APBB2: variants seen among roughly 807,000 people sequenced by gnomAD.
APBB2 encodes the protein Fe65-like 1.
Under a neutral mutation model 82.5 loss-of-function variants are expected in APBB2, and 38 were observed. The ratio of observed to expected loss-of-function variants is 0.46; its 90% CI spans 0.36 to 0.60. The LOEUF (loss-of-function observed/expected upper bound fraction) is 0.60. APBB2 is among the 20% of genes least tolerant of loss of function. The pLI is 0.00. For synonymous variants in APBB2, 341 were observed against 368.2 expected (o/e 0.93, Z 0.85); for missense variants, 772 against 972.3 (o/e 0.79, Z 2.74).
intron 12 of APBB2, among the ~76,000 whole-genome samples, chr4:40,863,764 AC>A (rs1430810814): frequency 6.6e-6 from 1 of 151,834 alleles, no homozygotes; most frequent in Non-Finnish European, 1.5e-5. Context: ...GTGATGGTGC[AC>A]GCCAGTAATC....
chr4:40,985,013 G>C (rs531825281), intron 6 of APBB2, among the ~76,000 whole-genome samples: 2 of 151,690 alleles, frequency 1.3e-5, no homozygotes, highest in East Asian at 3.9e-4. Flanking sequence ...CCTCAACCTC[G>C]TGGCTCAAGT....
intron 10 of APBB2, among the ~76,000 whole-genome samples, chr4:40,919,371 A>G (rs1560278707): frequency 1.3e-5 from 2 of 152,078 alleles, no homozygotes; most frequent in Non-Finnish European, 2.9e-5. Context: ...AGTTACGTGA[A>G]AACTTTCTCA....
intron 7 of APBB2, among the ~76,000 whole-genome samples, chr4:40,938,886 G>T (rs1195456465): frequency 6.6e-6 from 1 of 152,238 alleles, no homozygotes; most frequent in Non-Finnish European, 1.5e-5. Flanking sequence ...CAATGTTGCA[G>T]TATTCAGAGG....
At chr4:40,834,266 T>C (rs1753077410) in intron 12 of APBB2, among the ~76,000 whole-genome samples, 1 of 152,136 alleles carries the variant, frequency 6.6e-6, no homozygotes, top group Non-Finnish European at 1.5e-5. Flanking sequence ...ACAGGTGTCT[T>C]CTCCTCACTG....
intron 1 of APBB2, among the ~76,000 whole-genome samples, chr4:41,210,814 A>G (rs930251145): frequency 5.3e-5 from 8 of 152,270 alleles, no homozygotes; most frequent in Admixed American, 4.6e-4. Context: ...TTTTCATATA[A>G]GATAAAAGTT....
chr4:41,058,627 T>A (rs895893011), intron 4 of APBB2, among the ~76,000 whole-genome samples: 5 of 152,222 alleles, frequency 3.3e-5, no homozygotes, highest in African/African-American at 1.2e-4. Context: ...TATGCTACAC[T>A]ACAAAAATGT....
At chr4:40,899,255 T>TA (rs1277985433) in intron 10 of APBB2, among the ~76,000 whole-genome samples, 1 of 152,208 alleles carries the variant, frequency 6.6e-6, no homozygotes, top group Non-Finnish European at 1.5e-5. Flanking sequence ...TTATTGTTGT[T>TA]AGTTACTATG....
intron 6 of APBB2, among the ~76,000 whole-genome samples, chr4:40,978,361 T>G (rs1797681471): frequency 6.6e-6 from 1 of 152,248 alleles, no homozygotes; most frequent in Admixed American, 6.5e-5. Context: ...ACAAGATTTG[T>G]ATTTGGTAAC....
At position 41,033,225 on chromosome 4, in the gene APBB2, A is replaced by C. The variant is rs58898722; in HGVS notation, c.19+11T>G. On this transcript the variant is annotated intron_variant, in intron 5 of 17. Transcript: ENST00000508593. ...CTTCTCTGCATTGAAATATGAGAAA[A>C]TGTATCTGACCTGGAAGTACTTCTG... 5.2e-3 allele frequency: 8,044 copies of C among 1,546,752 alleles called. 354 individuals are homozygous for C. In the African/African-American group the frequency reaches 0.097, roughly 19 times the overall value.
chr4:40,898,880 C>G (rs7690259), intron 10 of APBB2, among the ~76,000 whole-genome samples: 30,365 of 149,146 alleles, frequency 0.2, 3,261 homozygotes, highest in African/African-American at 0.28. Context: ...CACACACACA[C>G]AGAACACTGG....
chr4:41,141,308 GTGTGTC>G (rs1759076729), intron 2 of APBB2, among the ~76,000 whole-genome samples: 3 of 32,544 alleles, frequency 9.2e-5, no homozygotes, highest in African/African-American at 2.4e-4. Flanking sequence ...AAAAATATGT[GTGTGTC>G]TGTGTGTGTG....
intron 2 of APBB2, among the ~76,000 whole-genome samples, chr4:41,119,913 C>G (rs187753959): frequency 2.0e-3 from 302 of 152,260 alleles, no homozygotes; most frequent in Non-Finnish European, 2.4e-3. Context: ...TTAACAGATG[C>G]CATTTGATAA....
At chr4:40,892,036 C>T (rs1452013165) in intron 11 of APBB2, among the ~76,000 whole-genome samples, 3 of 151,710 alleles carry the variant, frequency 2.0e-5, no homozygotes, top group Admixed American at 6.6e-5. Flanking sequence ...GCAACCTCTC[C>T]GCCTCCCAGG....
intron 8 of APBB2, 161 bp downstream of exon 8, chr4:40,934,915 CA>C (rs369593828): frequency 9.7e-5 from 68 of 702,058 alleles, no homozygotes; most frequent in African/African-American, 9.0e-4. Context: ...TGGGAGACAC[CA>C]AAAAAAGGCA....
intron 2 of APBB2, chr4:41,118,073 G>A (rs1335223791): frequency 6.6e-6 from 1 of 152,198 alleles, no homozygotes; most frequent in Non-Finnish European, 1.5e-5. Context: ...AATTAGCCAG[G>A]AGCAGTGGGG....
At chr4:40,945,100 G>T in intron 6 of APBB2, 27 bp from the exon 7 acceptor site, 6 of 1,055,412 alleles carry the variant, frequency 5.7e-6, no homozygotes, top group Non-Finnish European at 5.5e-6. Context: ...CGGGGCGGGG[G>T]GAGAAAGAGA....
At chr4:41,176,639 G>T (rs1264952775) in intron 1 of APBB2, among the ~76,000 whole-genome samples, 2 of 152,058 alleles carry the variant, frequency 1.3e-5, no homozygotes, top group Non-Finnish European at 2.9e-5. Flanking sequence ...CCAAAACCAT[G>T]GGTTTAGTTC....
In APBB2 at chr4:40,811,106, C is replaced by T. The variant is rs950958708; in HGVS notation, c.*4986G>A. The T allele has an allele frequency of 2.0e-5, 3 of 152,184 alleles. No homozygotes were observed. Among genetic ancestry groups the T allele is most frequent in the African/African-American group, 7.2e-5 (3 of 41,428 alleles). 9.4% of individuals were successfully genotyped at this position (152,184 alleles called of 1,614,324 possible). ...TGTTGCCACTTACATTGATTATCTC[C>T]TAACATGCATTTGGCACTAAATTAT... On this transcript the variant is annotated 3_prime_UTR_variant, in exon 18 of 18. Transcript: ENST00000508593.
chr4:41,193,891 C>A, intron 1 of APBB2: 2 of 152,194 alleles, frequency 1.3e-5, no homozygotes, highest in Non-Finnish European at 2.9e-5. Flanking sequence ...CTGAAAACAT[C>A]TAGAACAGTG....
Sources: allele counts gnomAD v4.1 joint callset (sites outside exome capture counted in the v4.1 genomes callset), GRCh38; gene constraint gnomAD v4.1.1; transcripts MANE v1.5; gene names NCBI Gene and HGNC (gene_info 2026-07-23, HGNC 2026-07-21).